Variants in CHAF1A observed in about 807,000 individuals in gnomAD.
CHAF1A encodes chromatin assembly factor 1 subunit A, also known as CAF-1 subunit A.
A neutral mutation model predicts 93.2 loss-of-function variants in CHAF1A; 5 were observed. That is an observed-to-expected ratio of 0.05 (90% confidence interval 0.03 to 0.11). The LOEUF (loss-of-function observed/expected upper bound fraction) is 0.11. Ranked by LOEUF, CHAF1A falls within the 10% of genes least tolerant of loss-of-function variation. The probability of loss-of-function intolerance (pLI) is 1.00; values close to 1 mark genes in which losing one functional copy is unlikely to be tolerated. For missense variants in CHAF1A, 1,102 were observed against 1,259.9 expected, an observed-to-expected ratio of 0.87 and a Z score of 1.90; for synonymous variants, 504 against 510.3, an observed-to-expected ratio of 0.99 and a Z score of 0.17.
intron 7 of CHAF1A, among the ~76,000 whole-genome samples, chr19:4,425,934 T>C (rs1012470352): frequency 6.6e-6 from 1 of 152,324 alleles, no homozygotes; most frequent in East Asian, 1.9e-4. Flanking sequence ...TTTTTAAAAA[T>C]TGACATTGTT....
In CHAF1A at chr19:4,433,407, G is replaced by C. The variant is rs375315515; in HGVS notation, c.2541G>C (p.Ser847=). The C allele has an allele frequency of 3.1e-6, 5 of 1,612,592 alleles. No individual in the cohort carries two copies. The highest frequency in any genetic ancestry group is 3.4e-6 in the Non-Finnish European group (4 of 1,178,888). Residue 847 remains serine (S), a synonymous_variant, in exon 13 of 15, where the codon TCG becomes TCC. Coordinates refer to ENST00000301280, the MANE Select transcript of CHAF1A (RefSeq NM_005483.3). This position sits in a 1 kb window ranked among gnomAD's most constrained non-coding sequence, Gnocchi z 5.6. ...GGAGCTATGTGACATCGGTGCCCTC[G>C]GCCCCCAAAGAGGACAGTGGCAGCG... is the stretch of plus-strand genomic sequence containing the variant. ...CQWSYVTSVP[S]APKEDSGSVP...
chr19:4,416,195 A>G (rs981226124), intron 3 of CHAF1A, among the ~76,000 whole-genome samples: 1 of 152,164 alleles, frequency 6.6e-6, no homozygotes, highest in Non-Finnish European at 1.5e-5. Flanking sequence ...GAAATCACTT[A>G]CATAATTTTG....
chr19:4,446,413 C>A, downstream of CHAF1A: 1 of 1,578,606 alleles, frequency 6.3e-7, no homozygotes, highest in Non-Finnish European at 8.6e-7. Context: ...CCGCCTCGGA[C>A]CTGCACACGC....
At chr19:4,423,949 T>C (rs1220756579) in intron 7 of CHAF1A, 75 bp downstream of exon 7, 15 of 1,396,720 alleles carry the variant, frequency 1.1e-5, no homozygotes, top group Non-Finnish European at 1.4e-5. Flanking sequence ...AAAGGGTCTC[T>C]CCCCAGCCAG....
intron 3 of CHAF1A, among the ~76,000 whole-genome samples, chr19:4,410,763 A>C (rs1028583950): frequency 9.9e-5 from 15 of 152,162 alleles, no homozygotes; most frequent in Admixed American, 6.6e-4. Flanking sequence ...AGGCAGGAGG[A>C]TCACTTGAGC....
chr19:4,429,182 A>G (rs1974137173), intron 8 of CHAF1A: 2 of 594,580 alleles, frequency 3.4e-6, no homozygotes, highest in Non-Finnish European at 5.9e-6. Flanking sequence ...CTCATTCCAC[A>G]GAACCTCCCT....
rs919806156 is a variant in CHAF1A at position 4,443,271 on chromosome 19, G to A, written c.*246G>A. 2.7e-5 allele frequency: 13 copies of A among 489,924 alleles called. No homozygotes were observed. The highest frequency in any genetic ancestry group is 6.5e-5 in the South Asian group (3 of 46,496). 30.3% of individuals were successfully genotyped at this position (489,924 alleles called of 1,614,324 possible). On this transcript the variant is annotated 3_prime_UTR_variant, in exon 15 of 15. Transcript: ENST00000301280. ...TTGCTGGCCTATTGGGGAAGCCTGC[G>A]GGCACAGGAGCAGGCGTGGAATCCA... is the stretch of plus-strand genomic sequence containing the variant.
chr19:4,424,826 G>C (rs1028874129), intron 7 of CHAF1A, among the ~76,000 whole-genome samples: 1 of 152,160 alleles, frequency 6.6e-6, no homozygotes, highest in Non-Finnish European at 1.5e-5. Flanking sequence ...GTATAGACGG[G>C]GTTTTACCAT....
At chr19:4,449,290 T>C (rs760369), downstream of CHAF1A, 33,006 of 152,710 alleles carry the variant, frequency 0.22, 3,967 homozygotes, top group Admixed American at 0.29. Flanking sequence ...CCCAGGGCCA[T>C]GTGTCAGGAT....
At chr19:4,447,589 C>T, downstream of CHAF1A, 2 of 1,613,828 alleles carry the variant, frequency 1.2e-6, no homozygotes, top group Middle Eastern at 1.7e-4. Context: ...TCCGGTACTT[C>T]TCCTCCTCGG....
chr19:4,437,441 T>A (rs1446626098), intron 13 of CHAF1A, among the ~76,000 whole-genome samples: 2 of 152,120 alleles, frequency 1.3e-5, no homozygotes, highest in East Asian at 3.9e-4. Context: ...CCTCCACTCC[T>A]GGGCGCAAGT....
chr19:4,446,808 C>T, downstream of CHAF1A: 1 of 1,613,966 alleles, frequency 6.2e-7, no homozygotes, highest in East Asian at 2.2e-5. Flanking sequence ...GTCCCCATTC[C>T]CTACTCAGCC....
intron 13 of CHAF1A, 86 bp from the exon 14 acceptor site, chr19:4,442,159 C>A: frequency 2.8e-6 from 3 of 1,075,082 alleles, no homozygotes; most frequent in Admixed American, 1.7e-5. Context: ...GAAGGTGTCA[C>A]ACCTGTGGAG....
chr19:4,437,896 CG>C (rs1974314393), intron 13 of CHAF1A, among the ~76,000 whole-genome samples: 2 of 152,200 alleles, frequency 1.3e-5, no homozygotes, highest in South Asian at 4.2e-4. Flanking sequence ...CCCACCACCA[CG>C]CCCAGCTAAT....
chr19:4,448,495 G>GC, downstream of CHAF1A: 1 of 1,167,698 alleles, frequency 8.6e-7, no homozygotes, highest in Non-Finnish European at 1.2e-6. Context: ...AACAGGGGCA[G>GC]GAAAAGGAAG....
rs778100682 is a variant in CHAF1A at position 4,408,461 on chromosome 19, C to CTTTTTTTTTTTTTTTTTTTTTTTT, written c.104-435_104-412dup. On this transcript the variant is annotated intron_variant, in intron 2 of 14. Coordinates refer to ENST00000301280, the MANE Select transcript of CHAF1A (RefSeq NM_005483.3). ...CCTGCCTTGGCCTCCCGCACCCGGCCTTTTTTTTTTTTTTTTTTTTTTTTT... is the reference window on the plus strand; with the variant it reads ...CCTGCCTTGGCCTCCCGCACCCGGCCTTTTTTTTTTTTTTTTTTTTTTTTTTTTTTTTTTTTTTTTTTTTTTTTT... 2.8e-4 allele frequency among the ~76,000 whole-genome samples: 10 copies of CTTTTTTTTTTTTTTTTTTTTTTTT among 36,020 alleles called. 4 individuals carry two copies. The highest frequency in any genetic ancestry group is 7.9e-4 in the Admixed American group (2 of 2,520). 23.6% of individuals were successfully genotyped at this position (36,020 alleles called of 152,430 possible).
At chr19:4,416,650 G>A (rs1568433059) in intron 3 of CHAF1A, among the ~76,000 whole-genome samples, 1 of 113,994 alleles carries the variant, frequency 8.8e-6, no homozygotes, top group Non-Finnish European at 1.9e-5. Flanking sequence ...TAGCACTTTG[G>A]GAGGCGAGGC....
chr19:4,438,354 T>TGTTTG (rs1555680561), intron 13 of CHAF1A, among the ~76,000 whole-genome samples: 1 of 150,770 alleles, frequency 6.6e-6, no homozygotes, highest in Non-Finnish European at 1.5e-5. Context: ...AGAAGAGGTT[T>TGTTTG]TTTTGTTTTG....
At chr19:4,405,284 A>G (rs1288423323) in intron 1 of CHAF1A, among the ~76,000 whole-genome samples, 3 of 152,178 alleles carry the variant, frequency 2.0e-5, no homozygotes, top group African/African-American at 7.2e-5. Context: ...GCCACAAAGA[A>G]AATAAAACAA....
Sources: gnomAD v4.1 joint callset for allele counts (sites outside exome capture counted in the v4.1 genomes callset) on GRCh38, gnomAD v4.1.1 for gene constraint, Gnocchi (gnomAD v3.1) non-coding constraint, MANE v1.5 for transcripts, NCBI Gene and HGNC (gene_info 2026-07-23, HGNC 2026-07-21) for gene names.